Variants in PRCP observed in about 807,000 individuals in gnomAD.
PRCP encodes the protein prolylcarboxypeptidase.
PRCP carries 46 observed loss-of-function variants against 54.2 expected under a neutral mutation model. The ratio of observed to expected loss-of-function variants is 0.85; its 90% CI spans 0.67 to 1.09. The LOEUF is 1.09. PRCP is among the 50% of genes least tolerant of loss of function. The pLI, the probability that PRCP is intolerant of heterozygous loss-of-function variation, is 0.00. For synonymous variants in PRCP, 240 were observed against 212.2 expected (o/e 1.13, Z -1.14); for missense variants, 613 against 596.8 (o/e 1.03, Z -0.28).
rs972808890 is a variant in PRCP, at chr11:82,850,068, A to G, written c.597T>C (p.Ala199=). 2.2e-6 allele frequency: 3 copies of G among 1,384,108 alleles called. No individual in the cohort carries two copies. The highest frequency in any genetic ancestry group is 1.9e-6 in the Non-Finnish European group (2 of 1,066,292). 85.7% of individuals were successfully genotyped at this position (1,384,108 alleles called of 1,614,324 possible). A position where few individuals can be genotyped will look rare whatever the true frequency, so the allele number is the denominator to read the frequency against. The change falls in exon 5 of 9, where the codon GCT becomes GCC. Residue 199 remains alanine (A), a synonymous_variant. Coordinates refer to ENST00000313010, the MANE Select transcript of PRCP (RefSeq NM_005040.4). The part of the protein sequence containing the change: ...RMKYPHMVVG[A]LAASAPIWQF... ...GCCAGATAGGGGCAGAAGCTGCAAG[A>G]GCTCTAAATGGCAAGAAAATCAAAG...
intron 1 of PRCP, among the ~76,000 whole-genome samples, chr11:82,893,558 A>T (rs1190188987): frequency 1.3e-5 from 2 of 152,132 alleles, no homozygotes; most frequent in Non-Finnish European, 2.9e-5. Context: ...TTGGGAGACC[A>T]AGGTAAGAGA....
rs1858141662 is a variant in PRCP at position 82,823,308 on chromosome 11, A to T, written c.*1598T>A. ...TAAACCCTGCATTATTTAATTTCTT[A>T]GTTGACAAAGAATAAAAACTAGTAT... On this transcript the variant is annotated 3_prime_UTR_variant, in exon 9 of 9. Transcript: ENST00000313010. 6.6e-6 allele frequency among the ~76,000 whole-genome samples: 1 copy of T among 152,212 alleles called. No individual in the cohort carries two copies. The highest frequency in any genetic ancestry group is 1.5e-5 in the Non-Finnish European group (1 of 68,026).
chr11:82,852,066 G>C (rs780514488), intron 3 of PRCP, among the ~76,000 whole-genome samples: 2 of 152,158 alleles, frequency 1.3e-5, no homozygotes, highest in African/African-American at 4.8e-5. Context: ...TGCTAACACA[G>C]TATCATTTAT....
intron 8 of PRCP, chr11:82,825,513 T>C (rs1296770206): frequency 5.1e-6 from 1 of 196,054 alleles, no homozygotes; most frequent in Non-Finnish European, 1.0e-5. Context: ...CTCATGCCTG[T>C]AATCTTTGCT....
chr11:82,886,448 C>A (rs1859866063), intron 1 of PRCP, among the ~76,000 whole-genome samples: 1 of 151,944 alleles, frequency 6.6e-6, no homozygotes, highest in South Asian at 2.1e-4. Flanking sequence ...CCATGCCTGG[C>A]TAATTTTTGT....
At position 82,867,207 on chromosome 11, in the gene PRCP, C is replaced by T. The variant is rs187146670; in HGVS notation, c.169-7090G>A. On this transcript the variant is annotated intron_variant, in intron 1 of 8. Transcript: ENST00000313010. ...ATGGTATAAATAAATATCACAACAG[C>T]ATCTATCTATGTGGAAAAAAAAATT... Among the ~76,000 whole-genome samples, 464 of 152,210 alleles carry T rather than the reference C, an allele frequency of 3.0e-3. 3 individuals carry two copies. The highest frequency in any genetic ancestry group is 0.011 in the African/African-American group (436 of 41,518).
In PRCP at chr11:82,868,859, A is replaced by G. The variant is rs535627945; in HGVS notation, c.169-8742T>C. 2.9e-4 allele frequency among the ~76,000 whole-genome samples: 44 copies of G among 151,474 alleles called. 1 individual carries two copies. Among genetic ancestry groups the G allele is most frequent in the African/African-American group, 9.5e-4 (39 of 41,236 alleles). On this transcript the variant is annotated intron_variant, in intron 1 of 8. Transcript: ENST00000313010. ...GAGACCAGCCTGCCCAACATGGCAAAACCTCTTCTCTACAAAAATACAAAA... is the reference window on the plus strand; with the variant it reads ...GAGACCAGCCTGCCCAACATGGCAAGACCTCTTCTCTACAAAAATACAAAA...
rs770372354 is a variant in PRCP at position 82,825,043 on chromosome 11, C to G, written c.1354G>C (p.Glu452Gln). ...TDTLVAVTIS[E>Q]GAHHLDLRTK... Reference sequence around the variant, plus strand: ...CGGAGATCTAAGTGGTGGGCCCCCTCTGAGATGGTGACTGCAACCAGAGTG... The same window carrying G: ...CGGAGATCTAAGTGGTGGGCCCCCTGTGAGATGGTGACTGCAACCAGAGTG... Residue 452 changes from glutamate to glutamine, a missense_variant, in exon 9 of 9, where the codon GAG becomes CAG. Physicochemically the swap from Glu to Gln is conservative, Grantham distance 29. Transcript: ENST00000313010. The G allele has an allele frequency of 5.0e-6, 8 of 1,614,006 alleles. No homozygotes were observed. Among genetic ancestry groups the G allele is most frequent in the Non-Finnish European group, 6.8e-6 (8 of 1,180,010 alleles).
At position 82,882,588 on chromosome 11, in the gene PRCP, C is replaced by T. The variant is rs867776140; in HGVS notation, c.168+17647G>A. 5.1e-4 allele frequency among the ~76,000 whole-genome samples: 76 copies of T among 148,356 alleles called. 2 individuals are homozygous for T. The highest frequency in any genetic ancestry group is 1.5e-3 in the African/African-American group (59 of 38,840). On this transcript the variant is annotated intron_variant, in intron 1 of 8. Transcript: ENST00000313010. ...TCGGCTCACTGCAAGCTCCGCCTCC[C>T]GGGTTCACGCCATTCTCCTGCCTCA...
chr11:82,890,528 G>A (rs772976929), intron 1 of PRCP, among the ~76,000 whole-genome samples: 1 of 151,832 alleles, frequency 6.6e-6, no homozygotes, highest in Non-Finnish European at 1.5e-5. Flanking sequence ...TCACTCTCTC[G>A]GCTCATTTCC....
chr11:82,892,858 G>C (rs1460682601), intron 1 of PRCP, among the ~76,000 whole-genome samples: 2 of 152,200 alleles, frequency 1.3e-5, no homozygotes, highest in African/African-American at 2.4e-5. Flanking sequence ...ATATGCAGTT[G>C]GAATGGTCAA....
chr11:82,900,447 G>T, upstream of PRCP: 2 of 1,595,148 alleles, frequency 1.3e-6, no homozygotes, highest in Non-Finnish European at 1.7e-6. Flanking sequence ...GCGAAAAGGA[G>T]GCCAGCAGAA....
At position 82,882,830 on chromosome 11, in the gene PRCP, G is replaced by C. The variant is rs190395928; in HGVS notation, c.168+17405C>G. Among the ~76,000 whole-genome samples the C allele has an allele frequency of 3.5e-3, 519 of 146,346 alleles. 1 individual carries two copies. Among genetic ancestry groups the C allele is most frequent in the Non-Finnish European group, 6.5e-3 (430 of 66,408 alleles). On this transcript the variant is annotated intron_variant, in intron 1 of 8. Transcript: ENST00000313010. The stretch of plus-strand genomic sequence containing the variant: ...TTAAAATACTGAAATATTTCCATAT[G>C]AGTTGGAGAAAAACTACCTGTGCAA...
chr11:82,862,061 T>A (rs1859217400), intron 1 of PRCP, among the ~76,000 whole-genome samples: 1 of 150,384 alleles, frequency 6.6e-6, no homozygotes, highest in African/African-American at 2.5e-5. Context: ...AACCATAATA[T>A]GACTATTACA....
At chr11:82,870,735 A>G (rs1859459661) in intron 1 of PRCP, among the ~76,000 whole-genome samples, 1 of 152,218 alleles carries the variant, frequency 6.6e-6, no homozygotes, top group South Asian at 2.1e-4. Context: ...GGTATGCACA[A>G]TAATCTGCCG....
chr11:82,899,647 C>T (rs1860205336), intron 1 of PRCP, among the ~76,000 whole-genome samples: 1 of 152,110 alleles, frequency 6.6e-6, no homozygotes, highest in Non-Finnish European at 1.5e-5. Context: ...ATCCCCACCC[C>T]CACCACAAAC....
rs1216850942 is a variant in PRCP, at chr11:82,887,451, A to T, written c.168+12784T>A. 2.0e-5 allele frequency among the ~76,000 whole-genome samples: 3 copies of T among 152,208 alleles called. No individual in the cohort carries two copies. The East Asian group carries it at 5.8e-4, about 29-fold the overall frequency. On this transcript the variant is annotated intron_variant, in intron 1 of 8. Coordinates refer to ENST00000313010, the MANE Select transcript of PRCP (RefSeq NM_005040.4). ...TGTGTAACTGTTAGGTATTATATCA[A>T]CTATCATAGAGTGATACTTCATTGT... is the stretch of plus-strand genomic sequence containing the variant.
intron 8 of PRCP, among the ~76,000 whole-genome samples, chr11:82,834,840 C>T (rs1374207239): frequency 2.0e-5 from 3 of 152,100 alleles, no homozygotes; most frequent in African/African-American, 7.2e-5. Context: ...TTTGGGAGGC[C>T]GAGGCAGGCG....
At position 82,892,313 on chromosome 11, in the gene PRCP, G is replaced by A. The variant is rs557324818; in HGVS notation, c.168+7922C>T. 2.6e-5 allele frequency among the ~76,000 whole-genome samples: 4 copies of A among 152,122 alleles called. No individual in the cohort carries two copies. In the South Asian group the frequency reaches 8.3e-4, roughly 31 times the overall value. On this transcript the variant is annotated intron_variant, in intron 1 of 8. Coordinates refer to ENST00000313010, the MANE Select transcript of PRCP (RefSeq NM_005040.4). ...ATATTAATAATAATTAAAAAGAGAT[G>A]TAAAAGAGTTTAGCATAATATTGAG...
Sources: gnomAD v4.1 joint callset for allele counts (sites outside exome capture counted in the v4.1 genomes callset) on GRCh38, gnomAD v4.1.1 for gene constraint, MANE v1.5 for transcripts, NCBI Gene and HGNC (gene_info 2026-07-23, HGNC 2026-07-21) for gene names.